The following NRXN1 variants were observed in gnomAD, a reference collection of about 807,000 sequenced individuals.
NRXN1 encodes neurexin 1, also known as neurexin-1.
NRXN1 carries 39 observed loss-of-function variants against 150.9 expected under a neutral mutation model. The observed-to-expected ratio is 0.26, with a 90% CI of 0.20 to 0.34. The LOEUF (loss-of-function observed/expected upper bound fraction) is 0.34. Among genes scored for constraint, NRXN1 ranks in the 10% least tolerant of loss-of-function variants. The pLI, the probability that NRXN1 is intolerant of heterozygous loss-of-function variation, is 1.00. For synonymous variants in NRXN1, 924 were observed against 757.0 expected, an observed-to-expected ratio of 1.22 and a Z score of -3.62; for missense variants, 1,815 against 1,949.9, an observed-to-expected ratio of 0.93 and a Z score of 1.30.
rs1308466591 is a variant in NRXN1 at position 50,399,344 on chromosome 2, A to G, written c.3364+66098T>C. On this transcript the variant is annotated intron_variant, in intron 17 of 22. Transcript: ENST00000401669. ...TTCCATTCTTGATCAATATTTTCAA[A>G]TGTTTCTGGAAATGTTTTCCAGCAC... Among the ~76,000 whole-genome samples the G allele has an allele frequency of 2.0e-5, 3 of 152,024 alleles. 1 individual carries two copies. In the East Asian group the frequency reaches 5.8e-4, roughly 29 times the overall value.
chr2:50,551,683 A>G (rs953800001), intron 9 of NRXN1, among the ~76,000 whole-genome samples: 2 of 152,152 alleles, frequency 1.3e-5, no homozygotes, highest in Non-Finnish European at 2.9e-5. Flanking sequence ...CAATCAGAGC[A>G]TGGGAGCCCG....
chr2:50,779,496 T>C (rs1208084508), intron 5 of NRXN1, among the ~76,000 whole-genome samples: 2 of 152,104 alleles, frequency 1.3e-5, no homozygotes, highest in Non-Finnish European at 2.9e-5. Flanking sequence ...TGGCAGGGCG[T>C]GGTGGCTCAC....
At chr2:50,533,014 T>C (rs1417239476) in intron 10 of NRXN1, among the ~76,000 whole-genome samples, 3 of 152,204 alleles carry the variant, frequency 2.0e-5, no homozygotes, top group African/African-American at 4.8e-5. Flanking sequence ...CTGTGTTCAA[T>C]ATTAGGACTA....
At chr2:50,738,296 C>T (rs1699014481) in intron 5 of NRXN1, among the ~76,000 whole-genome samples, 1 of 152,204 alleles carries the variant, frequency 6.6e-6, no homozygotes, top group Non-Finnish European at 1.5e-5. Flanking sequence ...TCCACTGACC[C>T]TAACTATTTG....
chr2:50,864,590 C>A (rs1463593286), intron 5 of NRXN1, among the ~76,000 whole-genome samples: 1 of 151,988 alleles, frequency 6.6e-6, no homozygotes, highest in Admixed American at 6.6e-5. Context: ...ATTTAAAAAT[C>A]TATGTAGAAC....
chr2:50,762,609 G>A (rs1292635245), intron 5 of NRXN1, among the ~76,000 whole-genome samples: 1 of 151,832 alleles, frequency 6.6e-6, no homozygotes, highest in African/African-American at 2.4e-5. Context: ...CACTGTTGCT[G>A]CATTTATTCA....
intron 5 of NRXN1, among the ~76,000 whole-genome samples, chr2:50,857,768 T>C (rs1237483194): frequency 1.3e-5 from 2 of 152,010 alleles, no homozygotes; most frequent in Non-Finnish European, 2.9e-5. Flanking sequence ...CTGTGCCTTT[T>C]AATTTAGCAT....
rs181741694 is a variant in NRXN1, at chr2:50,255,155, A to C, written c.3365-18185T>G. 3.2e-4 allele frequency among the ~76,000 whole-genome samples: 49 copies of C among 152,310 alleles called. No homozygotes were observed. The East Asian group carries it at 8.9e-3, about 28-fold the overall frequency. On this transcript the variant is annotated intron_variant, in intron 17 of 22. Coordinates refer to ENST00000401669, the MANE Select transcript of NRXN1 (RefSeq NM_001330078.2). ...CGGTTATAAAAAACAAACAAACAAA[A>C]AAAACTGGAAAGTTAGGTCACTTAC...
intron 12 of NRXN1, among the ~76,000 whole-genome samples, chr2:50,514,063 T>C (rs1259367146): frequency 1.3e-5 from 2 of 152,198 alleles, no homozygotes; most frequent in African/African-American, 2.4e-5. Flanking sequence ...TTGTCTAACA[T>C]ATTCATTGTA....
At chr2:50,103,638 G>A (rs181345500) in intron 18 of NRXN1, among the ~76,000 whole-genome samples, 5 of 152,092 alleles carry the variant, frequency 3.3e-5, no homozygotes, top group South Asian at 2.1e-4. Flanking sequence ...CCAAAAACAC[G>A]CGAAGTGCTC....
intron 5 of NRXN1, among the ~76,000 whole-genome samples, chr2:50,882,815 A>G (rs1467236520): frequency 2.0e-5 from 3 of 151,900 alleles, no homozygotes; most frequent in African/African-American, 7.2e-5. Flanking sequence ...GACCATAATC[A>G]TAAATTGTGT....
intron 5 of NRXN1, among the ~76,000 whole-genome samples, chr2:50,652,955 T>C (rs984182600): frequency 6.6e-6 from 1 of 152,080 alleles, no homozygotes; most frequent in African/African-American, 2.4e-5. Context: ...CTATCATTTG[T>C]GTCTGACTGT....
chr2:50,237,289 GA>G (rs2065547460), intron 17 of NRXN1, among the ~76,000 whole-genome samples: 1 of 151,980 alleles, frequency 6.6e-6, no homozygotes, highest in South Asian at 2.1e-4. Flanking sequence ...CAGTTTTTAA[GA>G]AATAGTTTAG....
chr2:50,010,602 CA>C (rs1158167776), intron 21 of NRXN1, among the ~76,000 whole-genome samples: 4 of 152,066 alleles, frequency 2.6e-5, no homozygotes, highest in African/African-American at 9.7e-5. Flanking sequence ...CTCAGGAGTG[CA>C]GAGACTCAGA....
chr2:50,932,897 C>T (rs1023862665), intron 2 of NRXN1, among the ~76,000 whole-genome samples: 6 of 151,780 alleles, frequency 4.0e-5, no homozygotes, highest in African/African-American at 1.2e-4. Flanking sequence ...GAGAAAAATA[C>T]TATTTTCTTA....
chr2:50,637,962 A>G (rs1683480440), intron 5 of NRXN1, among the ~76,000 whole-genome samples: 1 of 152,206 alleles, frequency 6.6e-6, no homozygotes, highest in African/African-American at 2.4e-5. Flanking sequence ...CTTAGGATCC[A>G]AGGTAAATAA....
intron 19 of NRXN1, among the ~76,000 whole-genome samples, chr2:50,087,451 C>T (rs142907657): frequency 6.4e-4 from 98 of 152,026 alleles, no homozygotes; most frequent in African/African-American, 2.2e-3. Context: ...AATCTTTAGT[C>T]AGGGTAAGCA....
At chr2:50,411,232 T>G (rs1280734207) in intron 17 of NRXN1, among the ~76,000 whole-genome samples, 1 of 152,144 alleles carries the variant, frequency 6.6e-6, no homozygotes, top group Non-Finnish European at 1.5e-5. Context: ...TTCGCCGTGT[T>G]GGCCGGGCTG....
At chr2:50,325,921 C>T (rs543603198) in intron 17 of NRXN1, among the ~76,000 whole-genome samples, 3 of 151,960 alleles carry the variant, frequency 2.0e-5, no homozygotes, top group African/African-American at 4.8e-5. Flanking sequence ...TAGAGCCTAA[C>T]AAAAAAATGA....
Sources: allele counts gnomAD v4.1 joint callset (sites outside exome capture counted in the v4.1 genomes callset), GRCh38; gene constraint gnomAD v4.1.1; transcripts MANE v1.5; gene names NCBI Gene and HGNC (gene_info 2026-07-23, HGNC 2026-07-21).